The following ADGRF5 variants were observed in gnomAD, a reference collection of about 807,000 sequenced individuals.
ADGRF5 encodes the protein G-protein coupled receptor 116.
Under a neutral mutation model 132.3 loss-of-function variants are expected in ADGRF5, and 75 were observed. The ratio of observed to expected loss-of-function variants is 0.57; its 90% CI spans 0.47 to 0.69. The LOEUF (loss-of-function observed/expected upper bound fraction) is 0.69, where lower values mean the gene tolerates loss of function less well. Ranked by LOEUF, ADGRF5 falls within the 30% of genes least tolerant of loss-of-function variation. ADGRF5 has a pLI of 0.00. For missense variants in ADGRF5, 1,516 were observed against 1,630.6 expected (o/e 0.93, Z 1.21); for synonymous variants, 629 against 597.6 (o/e 1.05, Z -0.77).
intron 1 of ADGRF5, among the ~76,000 whole-genome samples, chr6:46,934,998 CTTTTTTTTTTTT>C (rs56982002): frequency 3.5e-5 from 3 of 86,706 alleles, no homozygotes; most frequent in African/African-American, 4.7e-5. Flanking sequence ...GGTGATAGTT[CTTTTTTTTTTTT>C]TTTTTTTTTT....
chr6:46,881,883 T>C (rs114990847), intron 7 of ADGRF5, among the ~76,000 whole-genome samples, 166 bp downstream of exon 7: 3,618 of 152,338 alleles, frequency 0.024, 98 homozygotes, highest in African/African-American at 0.065. Context: ...TCTCTCTTTC[T>C]TTTAAACAGG....
chr6:46,853,859 A>G lies in ADGRF5; in HGVS notation c.*133T>C. ...CTTTACAAAAGAAAGCCTCTTCTCT[A>G]TGAAAAAGTCTTTTTGGCATCTGCT... is the stretch of plus-strand genomic sequence containing the variant. On this transcript the variant is annotated 3_prime_UTR_variant, in exon 21 of 21. Transcript: ENST00000283296. 9.4e-6 allele frequency: 6 copies of G among 638,482 alleles called. No individual in the cohort carries two copies. The highest frequency in any genetic ancestry group is 1.4e-5 in the Non-Finnish European group (5 of 359,300). 39.6% of individuals were successfully genotyped at this position (638,482 alleles called of 1,614,324 possible). A position where few individuals can be genotyped will look rare whatever the true frequency, so the allele number is the denominator to read the frequency against.
intron 10 of ADGRF5, among the ~76,000 whole-genome samples, chr6:46,875,121 A>G: frequency 6.6e-6 from 1 of 152,238 alleles, no homozygotes; most frequent in Middle Eastern, 3.2e-3. Context: ...AGCAGCATGC[A>G]GGTCTTGTTC....
At chr6:46,936,241 C>T (rs1777820975) in intron 1 of ADGRF5, among the ~76,000 whole-genome samples, 1 of 152,156 alleles carries the variant, frequency 6.6e-6, no homozygotes, top group Non-Finnish European at 1.5e-5. Flanking sequence ...AGGCCTTCCT[C>T]CCTGGGATGG....
At chr6:46,923,174 C>A (rs1561824064), upstream of ADGRF5, among the ~76,000 whole-genome samples, 1 of 152,194 alleles carries the variant, frequency 6.6e-6, no homozygotes, top group East Asian at 1.9e-4. Context: ...TAATCCCCAG[C>A]CTCGGCCTCC....
intron 15 of ADGRF5, among the ~76,000 whole-genome samples, chr6:46,861,448 C>A (rs1441333029): frequency 6.6e-6 from 1 of 152,208 alleles, no homozygotes; most frequent in Non-Finnish European, 1.5e-5. Context: ...CTCTCTCTTA[C>A]TTAATCGTAT....
chr6:46,872,944 C>T (rs1436833392), intron 10 of ADGRF5, among the ~76,000 whole-genome samples: 1 of 152,184 alleles, frequency 6.6e-6, no homozygotes, highest in African/African-American at 2.4e-5. Context: ...ATGTAACTAG[C>T]TTTTCTCCCT....
chr6:46,863,854 G>A (rs140583644), intron 14 of ADGRF5, among the ~76,000 whole-genome samples: 59 of 152,342 alleles, frequency 3.9e-4, no homozygotes, highest in African/African-American at 1.4e-3. Context: ...TGAATAAAAT[G>A]TGTTGGCTAA....
At chr6:46,947,197 T>C (rs1376282890) in intron 1 of ADGRF5, among the ~76,000 whole-genome samples, 1 of 152,126 alleles carries the variant, frequency 6.6e-6, no homozygotes, top group East Asian at 1.9e-4. Flanking sequence ...CTTTAGCCAA[T>C]AAGTAGACTC....
At chr6:46,893,164 G>T (rs918390556) in intron 3 of ADGRF5, among the ~76,000 whole-genome samples, 2 of 143,904 alleles carry the variant, frequency 1.4e-5, no homozygotes, top group Non-Finnish European at 3.0e-5. Context: ...GAACCAGGAA[G>T]CTCTCTGGAT....
chr6:46,901,252 C>G (rs771031392), intron 2 of ADGRF5, among the ~76,000 whole-genome samples: 2 of 152,158 alleles, frequency 1.3e-5, no homozygotes, highest in Non-Finnish European at 2.9e-5. Flanking sequence ...ATACCTTGAC[C>G]TGACAAGGAT....
upstream of ADGRF5, among the ~76,000 whole-genome samples, chr6:46,924,123 TTCTGCCCTTCTTTCAC>T (rs1240880874): frequency 6.6e-6 from 1 of 152,202 alleles, no homozygotes; most frequent in African/African-American, 2.4e-5. Context: ...GCTGTTTCAC[TTCTGCCCTTCTTTCAC>T]TCTGCCCTTC....
chr6:46,904,172 C>G (rs952029521), intron 2 of ADGRF5, among the ~76,000 whole-genome samples: 1 of 152,216 alleles, frequency 6.6e-6, no homozygotes, highest in Non-Finnish European at 1.5e-5. Flanking sequence ...TGGGCAGATC[C>G]ATGCTTACAT....
intron 1 of ADGRF5, among the ~76,000 whole-genome samples, chr6:46,938,083 T>C (rs1777917012): frequency 6.6e-6 from 1 of 152,232 alleles, no homozygotes; most frequent in Non-Finnish European, 1.5e-5. Flanking sequence ...TCCTATTACA[T>C]GTAACTTATG....
At chr6:46,945,403 T>A (rs1183322142) in intron 1 of ADGRF5, among the ~76,000 whole-genome samples, 1 of 152,162 alleles carries the variant, frequency 6.6e-6, no homozygotes, top group Non-Finnish European at 1.5e-5. Flanking sequence ...AAGAGATAAA[T>A]CACTTAAGTG....
At chr6:46,905,278 T>A (rs115014238) in intron 2 of ADGRF5, 153 of 152,252 alleles carry the variant, frequency 1.0e-3, no homozygotes, top group African/African-American at 3.5e-3. Context: ...TGTGTATGAG[T>A]GTACAGGTTG....
intron 1 of ADGRF5, among the ~76,000 whole-genome samples, chr6:46,936,872 A>C (rs1777855482): frequency 6.6e-6 from 1 of 152,192 alleles, no homozygotes; most frequent in Admixed American, 6.5e-5. Context: ...AACTCCTTCC[A>C]GGCTGCAGTT....
At chr6:46,879,547 G>T (rs220666) in intron 9 of ADGRF5, among the ~76,000 whole-genome samples, 2 of 152,034 alleles carry the variant, frequency 1.3e-5, no homozygotes, top group African/African-American at 4.8e-5. Context: ...ATGATTGTAA[G>T]TTTCCTGAGG....
Position 46,866,928 on chromosome 6 carries a change from C to G in ADGRF5, c.1831G>C (p.Ala611Pro), listed in dbSNP as rs1226991768. The part of the protein sequence containing the change: ...TFHTGSSSLP[A>P]AKEVNKKQVC... The stretch of plus-strand genomic sequence containing the variant: ...AATTCAGCAATCAGCATCTTACCAG[C>G]AGGAAGGGATGAGGAACCCGTATGG... The change falls in exon 13 of 21, where the codon GCT becomes CCT. Residue 611 changes from alanine to proline, a missense_variant. By Grantham distance (27) the Ala-to-Pro change is conservative. This residue lies in a region of ADGRF5 where 945 missense variants were observed against 929.4 expected (regional missense o/e 1.02). Transcript: ENST00000283296. 3 of 1,583,286 alleles carry G rather than the reference C, an allele frequency of 1.9e-6. No homozygotes were observed. The East Asian group carries it at 6.7e-5, about 35-fold the overall frequency.
Sources: gnomAD v4.1 joint callset for allele counts (sites outside exome capture counted in the v4.1 genomes callset) on GRCh38, gnomAD v4.1.1 for gene constraint, gnomAD v4.1.1 regional missense constraint, MANE v1.5 for transcripts, NCBI Gene and HGNC (gene_info 2026-07-23, HGNC 2026-07-21) for gene names.